Variants in RBMS3 observed in about 807,000 individuals in gnomAD.
RBMS3 encodes the protein RNA-binding motif, single-stranded-interacting protein 3.
In RBMS3, 27 loss-of-function variants were observed where a neutral mutation model predicts 66.8. That is an observed-to-expected ratio of 0.40 (90% CI 0.30 to 0.56). The LOEUF (loss-of-function observed/expected upper bound fraction) is 0.56. Among genes scored for constraint, RBMS3 ranks in the 20% least tolerant of loss-of-function variants. The pLI, the probability that RBMS3 is intolerant of heterozygous loss-of-function variation, is 0.40. For missense variants in RBMS3, 513 were observed against 549.5 expected, an observed-to-expected ratio of 0.93 and a Z score of 0.66; for synonymous variants, 188 against 183.0, an observed-to-expected ratio of 1.03 and a Z score of -0.22.
intron 1 of RBMS3, among the ~76,000 whole-genome samples, chr3:29,287,474 T>C (rs1329010518): frequency 1.3e-5 from 2 of 152,082 alleles, no homozygotes; most frequent in Non-Finnish European, 2.9e-5. Flanking sequence ...AACTTACAGA[T>C]GGCAAAATAG....
chr3:29,384,850 T>A (rs2038938300), intron 1 of RBMS3, among the ~76,000 whole-genome samples: 1 of 152,202 alleles, frequency 6.6e-6, no homozygotes. Context: ...AGAAATGCTT[T>A]TTGGTTGGCT....
chr3:29,382,082 T>C (rs1487653005), intron 1 of RBMS3, among the ~76,000 whole-genome samples: 1 of 152,198 alleles, frequency 6.6e-6, no homozygotes, highest in Non-Finnish European at 1.5e-5. Context: ...CAGTTTTGAA[T>C]AGAATCATAC....
chr3:29,597,384 A>G (rs902339310), intron 4 of RBMS3, among the ~76,000 whole-genome samples: 3 of 152,206 alleles, frequency 2.0e-5, no homozygotes, highest in Non-Finnish European at 2.9e-5. Context: ...TATTTATTAC[A>G]CTATGATGTG....
intron 1 of RBMS3, among the ~76,000 whole-genome samples, chr3:29,417,620 G>A (rs2040531786): frequency 6.6e-6 from 1 of 152,054 alleles, no homozygotes; most frequent in Non-Finnish European, 1.5e-5. Flanking sequence ...CATAGTATTT[G>A]AGAAATATAT....
chr3:29,595,481 G>A (rs971827213), intron 4 of RBMS3, among the ~76,000 whole-genome samples: 2 of 151,758 alleles, frequency 1.3e-5, no homozygotes, highest in Admixed American at 6.6e-5. Context: ...TGAAGAGAAT[G>A]TGTCCACAAG....
chr3:29,844,101 G>A (rs2058724561), intron 6 of RBMS3, among the ~76,000 whole-genome samples: 2 of 152,000 alleles, frequency 1.3e-5, no homozygotes, highest in Non-Finnish European at 2.9e-5. Flanking sequence ...TTTGCTTTTG[G>A]TAGAAGTTCT....
rs1012582796 is a variant in RBMS3 at position 30,005,301 on chromosome 3, A to G, written c.*1439A>G. On this transcript the variant is annotated 3_prime_UTR_variant, in exon 15 of 15. Coordinates refer to ENST00000383767, the MANE Select transcript of RBMS3 (RefSeq NM_001003793.3). ...TGTGTTTAGCAGTTTCAGCATGAAG[A>G]GTTCTGGATATGAACTGATTCATAG... 1.3e-5 allele frequency: 2 copies of G among 151,730 alleles called. No individual in the cohort carries two copies. The highest frequency in any genetic ancestry group is 4.8e-5 in the African/African-American group (2 of 41,368). 9.4% of individuals were successfully genotyped at this position (151,730 alleles called of 1,614,324 possible).
At chr3:29,906,342 A>T (rs2060378013) in intron 10 of RBMS3, among the ~76,000 whole-genome samples, 1 of 152,090 alleles carries the variant, frequency 6.6e-6, no homozygotes, top group South Asian at 2.1e-4. Context: ...CCATCTTGTT[A>T]TGTCATAACA....
intron 6 of RBMS3, among the ~76,000 whole-genome samples, chr3:29,829,010 C>CTTTCTT (rs2058288129): frequency 2.2e-5 from 1 of 45,174 alleles, no homozygotes; most frequent in Non-Finnish European, 5.6e-5. Flanking sequence ...TTCTTTCTTT[C>CTTTCTT]TTTCTTTCTT....
intron 4 of RBMS3, chr3:29,730,831 A>T (rs1268947406): frequency 2.1e-6 from 2 of 966,532 alleles, no homozygotes; most frequent in African/African-American, 3.5e-5. Context: ...AATATATTAA[A>T]ATAAAACTAT....
chr3:29,859,163 G>T (rs966242167), intron 6 of RBMS3, among the ~76,000 whole-genome samples: 4 of 152,116 alleles, frequency 2.6e-5, no homozygotes, highest in African/African-American at 7.2e-5. Context: ...ACATGAGCCT[G>T]ACACTTATAA....
intron 2 of RBMS3, among the ~76,000 whole-genome samples, chr3:29,447,002 T>TC (rs2041857338): frequency 1.5e-5 from 2 of 131,412 alleles, no homozygotes; most frequent in African/African-American, 5.6e-5. Flanking sequence ...CACCTCCGCC[T>TC]CCCACGTTCA....
rs116036961 is a variant in RBMS3, at chr3:29,561,276, A to G, written c.308-25838A>G. ...CCCAGTAAAGGGATTGCTGGGTCTA[A>G]TCCCTTTAGACCAAAGGATACTTCT... On this transcript the variant is annotated intron_variant, in intron 3 of 14. Transcript: ENST00000383767. Among the ~76,000 whole-genome samples, 113 of 152,262 alleles carry G rather than the reference A, an allele frequency of 7.4e-4. 1 individual carries two copies. The highest frequency in any genetic ancestry group is 2.7e-3 in the African/African-American group (112 of 41,556).
chr3:29,686,279 T>TC (rs1240006352), intron 4 of RBMS3, among the ~76,000 whole-genome samples: 1 of 152,122 alleles, frequency 6.6e-6, no homozygotes, highest in Non-Finnish European at 1.5e-5. Flanking sequence ...TCTTCTTGAG[T>TC]CCCCCCATTT....
chr3:29,705,057 C>A (rs2052811846), intron 4 of RBMS3, among the ~76,000 whole-genome samples: 1 of 152,152 alleles, frequency 6.6e-6, no homozygotes, highest in Non-Finnish European at 1.5e-5. Flanking sequence ...TGTGATGAGG[C>A]CCTAGATTTT....
In RBMS3 at chr3:29,692,634, C is replaced by G. The variant is rs190597289; in HGVS notation, c.400-47086C>G. ...CCTCTTCCCATCATTTTCTCAGATTCCCTTTCTATCATTTTCTCTCCCATC... is the reference window on the plus strand; with the variant it reads ...CCTCTTCCCATCATTTTCTCAGATTGCCTTTCTATCATTTTCTCTCCCATC... On this transcript the variant is annotated intron_variant, in intron 4 of 14. Coordinates refer to ENST00000383767, the MANE Select transcript of RBMS3 (RefSeq NM_001003793.3). 3.9e-5 allele frequency among the ~76,000 whole-genome samples: 6 copies of G among 152,274 alleles called. No individual in the cohort carries two copies. The East Asian group carries it at 1.2e-3, about 29-fold the overall frequency.
Position 29,952,399 on chromosome 3 carries a change from T to C in RBMS3, c.1098+8145T>C, listed in dbSNP as rs570669669. ...AAATCACATTTCAAATGATATATTA[T>C]GTTTCTTGCATGCAGCAGTTGGAAC... On this transcript the variant is annotated intron_variant, in intron 12 of 14. Coordinates refer to ENST00000383767, the MANE Select transcript of RBMS3 (RefSeq NM_001003793.3). Among the ~76,000 whole-genome samples the C allele has an allele frequency of 5.3e-5, 8 of 152,028 alleles. No individual in the cohort carries two copies. In the South Asian group the frequency reaches 1.5e-3, roughly 28 times the overall value.
chr3:29,612,208 C>T (rs1036527595), intron 4 of RBMS3, among the ~76,000 whole-genome samples: 14 of 151,900 alleles, frequency 9.2e-5, no homozygotes, highest in Admixed American at 4.6e-4. Context: ...AGAGAATAAG[C>T]ATATATATGT....
chr3:29,799,273 T>G (rs144525086), intron 6 of RBMS3, among the ~76,000 whole-genome samples: 84 of 152,352 alleles, frequency 5.5e-4, no homozygotes, highest in African/African-American at 2.0e-3. Context: ...GTTTCCAAAC[T>G]GTCAAGCCTT....
Sources: gnomAD v4.1 joint callset for allele counts (sites outside exome capture counted in the v4.1 genomes callset) on GRCh38, gnomAD v4.1.1 for gene constraint, MANE v1.5 for transcripts, NCBI Gene and HGNC (gene_info 2026-07-23, HGNC 2026-07-21) for gene names.